FAM89A: variants seen among roughly 807,000 people sequenced by gnomAD.
The protein encoded by FAM89A is family with sequence similarity 89 member A.
Under a neutral mutation model 7.1 loss-of-function variants are expected in FAM89A, and 10 were observed. The observed-to-expected ratio is 1.40, with a 90% CI of 0.86 to 2.38. The LOEUF (loss-of-function observed/expected upper bound fraction) is 2.38. FAM89A is among the 30% of genes most tolerant of loss of function. FAM89A has a pLI of 0.00. For missense variants in FAM89A, 276 were observed against 262.8 expected (o/e 1.05, Z -0.35); for synonymous variants, 157 against 129.3 (o/e 1.21, Z -1.45).
rs1478226919 is a variant in FAM89A at position 231,019,162 on chromosome 1, C to T, written c.*701G>A. On this transcript the variant is annotated 3_prime_UTR_variant, in exon 2 of 2. Coordinates refer to ENST00000366654, the MANE Select transcript of FAM89A (RefSeq NM_198552.3). ...AGTGATACATCACATTGGCTTGCCC[C>T]AGTTTTTGTGTTCTTTTTTTTTTTT... 1 of 124,110 alleles carries T rather than the reference C, an allele frequency of 8.1e-6. No homozygotes were observed. Among genetic ancestry groups the T allele is most frequent in the Non-Finnish European group, 1.6e-5 (1 of 61,826 alleles). The allele number at this position is 124,110 out of a possible 1,614,324, so 7.7% of individuals were successfully genotyped here. A position where few individuals can be genotyped will look rare whatever the true frequency, so the allele number is the denominator to read the frequency against.
At chr1:231,025,294 G>T (rs1018440959) in intron 1 of FAM89A, among the ~76,000 whole-genome samples, 1 of 152,106 alleles carries the variant, frequency 6.6e-6, no homozygotes, top group Non-Finnish European at 1.5e-5. Context: ...TCGGGAGCGT[G>T]GTCTCCAGGC....
chr1:231,022,944 G>A (rs940583072), intron 1 of FAM89A, among the ~76,000 whole-genome samples: 4 of 151,756 alleles, frequency 2.6e-5, no homozygotes, highest in African/African-American at 7.3e-5. Flanking sequence ...ATGCTCCAGC[G>A]TCCTTCACCT....
At chr1:231,026,838 T>C (rs774306688) in intron 1 of FAM89A, 1 of 151,956 alleles carries the variant, frequency 6.6e-6, no homozygotes, top group African/African-American at 2.4e-5. Flanking sequence ...ATAAAAGAAA[T>C]AATAACTTTA....
chr1:231,024,808 T>G (rs898705329), intron 1 of FAM89A, among the ~76,000 whole-genome samples: 12 of 151,466 alleles, frequency 7.9e-5, no homozygotes, highest in African/African-American at 2.7e-4. Context: ...AAAGTGCTGG[T>G]ATTACAGGTG....
chr1:231,025,010 C>A (rs976863995), intron 1 of FAM89A, among the ~76,000 whole-genome samples: 1 of 145,884 alleles, frequency 6.9e-6, no homozygotes, highest in Admixed American at 7.1e-5. Context: ...GCAAGCTCTG[C>A]CTCCTGGGTT....
At position 231,023,027 on chromosome 1, in the gene FAM89A, G is replaced by A. The variant is rs138483280; in HGVS notation, c.292-2901C>T. 8.1e-4 allele frequency among the ~76,000 whole-genome samples: 123 copies of A among 152,240 alleles called. 2 individuals carry two copies. The highest frequency in any genetic ancestry group is 2.8e-3 in the African/African-American group (115 of 41,536). On this transcript the variant is annotated intron_variant, in intron 1 of 1. Coordinates refer to ENST00000366654, the MANE Select transcript of FAM89A (RefSeq NM_198552.3). ...CTCTCTTTTCTGATAAAATCCATCC[G>A]GTGTTTGCCACACGCCCTCCAGTCC...
chr1:231,039,078 C>A (rs781393716), intron 1 of FAM89A, among the ~76,000 whole-genome samples: 5 of 152,212 alleles, frequency 3.3e-5, no homozygotes, highest in African/African-American at 4.8e-5. Flanking sequence ...TACGCCTGGC[C>A]GAGAAAGCTG....
intron 1 of FAM89A, among the ~76,000 whole-genome samples, chr1:231,038,959 G>T (rs377038039): frequency 6.6e-6 from 1 of 152,214 alleles, no homozygotes; most frequent in Non-Finnish European, 1.5e-5. Context: ...CAACCTGGAC[G>T]AGGTGAATGG....
chr1:231,029,602 C>T (rs1680036367), intron 1 of FAM89A, among the ~76,000 whole-genome samples: 1 of 152,134 alleles, frequency 6.6e-6, no homozygotes, highest in South Asian at 2.1e-4. Context: ...GGTGCTTTGA[C>T]AATCACCCTG....
At chr1:231,022,826 A>G (rs927151951) in intron 1 of FAM89A, among the ~76,000 whole-genome samples, 6 of 152,304 alleles carry the variant, frequency 3.9e-5, no homozygotes, top group African/African-American at 1.4e-4. Context: ...TCAGCAGCCC[A>G]CCAGATGTAG....
chr1:231,030,372 G>A lies in FAM89A; in HGVS notation c.291+9549C>T, dbSNP rs1214713906. ...GGAAACTCCTCTACCAGGTAAAGCT[G>A]TTTGAATTGGATTTTCTGCTAACTT... On this transcript the variant is annotated intron_variant, in intron 1 of 1. Transcript: ENST00000366654. Among the ~76,000 whole-genome samples, 41 of 152,202 alleles carry A rather than the reference G, an allele frequency of 2.7e-4. 1 individual carries two copies. Among genetic ancestry groups the A allele is most frequent in the Admixed American group, 2.7e-3 (41 of 15,274 alleles).
In FAM89A at chr1:231,040,125, C is replaced by T. The variant is rs756806421; in HGVS notation, c.87G>A (p.Lys29=). 2 of 1,381,626 alleles carry T rather than the reference C, an allele frequency of 1.4e-6. No individual in the cohort carries two copies. Among genetic ancestry groups the T allele is most frequent in the Admixed American group, 2.5e-5 (1 of 40,298 alleles). 85.6% of individuals were successfully genotyped at this position (1,381,626 alleles called of 1,614,324 possible). A position where few individuals can be genotyped will look rare whatever the true frequency, so the allele number is the denominator to read the frequency against. ...CCGAGTGCAGCAGCCCGCTCAAGCT[C>T]TTTGGCAGCGGGGGCAGCCCGTCCA... is the stretch of plus-strand genomic sequence containing the variant. ...LRVDGLPPLP[K]SLSGLLHSAS... Residue 29 remains lysine (K), a synonymous_variant, in exon 1 of 2, where the codon AAG becomes AAA. Coordinates refer to ENST00000366654, the MANE Select transcript of FAM89A (RefSeq NM_198552.3).
At position 231,040,082 on chromosome 1, in the gene FAM89A, A is replaced by C. The variant is rs1361957773; in HGVS notation, c.130T>G (p.Ser44Ala). ...LLHSASGGGA[S>A]GGWRHLERLY... ...CGCTCCAGGTGCCGCCAGCCCCCAG[A>C]CGCGCCGCCGCCCGACGCCGAGTGC... The change falls in exon 1 of 2, where the codon TCT becomes GCT. Residue 44 changes from serine to alanine, a missense_variant. Coordinates refer to ENST00000366654, the MANE Select transcript of FAM89A (RefSeq NM_198552.3). 1 of 1,440,812 alleles carries C rather than the reference A, an allele frequency of 6.9e-7. No homozygotes were observed. Among genetic ancestry groups the C allele is most frequent in the African/African-American group, 1.5e-5 (1 of 67,440 alleles). 89.3% of individuals were successfully genotyped at this position (1,440,812 alleles called of 1,614,324 possible).
At position 231,023,163 on chromosome 1, in the gene FAM89A, C is replaced by A. The variant is rs1420418290; in HGVS notation, c.292-3037G>T. On this transcript the variant is annotated intron_variant, in intron 1 of 1. Transcript: ENST00000366654. ...CAGCCTTTTGCCCAGGTCACTGTTG[C>A]CCCATGTTCGGAGAACCTGGCCCAC... Among the ~76,000 whole-genome samples the A allele has an allele frequency of 3.3e-5, 5 of 152,316 alleles. No homozygotes were observed. In the South Asian group the frequency reaches 6.2e-4, roughly 19 times the overall value.
chr1:231,020,758 T>G (rs1196462690), intron 1 of FAM89A, among the ~76,000 whole-genome samples: 1 of 152,124 alleles, frequency 6.6e-6, no homozygotes, highest in African/African-American at 2.4e-5. Context: ...GAGGAAGCCC[T>G]GGAAGATGAA....
chr1:231,039,900 A>T, intron 1 of FAM89A, 21 bp downstream of exon 1: 1 of 1,290,074 alleles, frequency 7.8e-7, no homozygotes, highest in Non-Finnish European at 9.8e-7. Flanking sequence ...GAAGAGCCCC[A>T]GCTCGCGGAG....
chr1:231,019,691 C>A lies in FAM89A; in HGVS notation c.*172G>T, dbSNP rs1572352143. 8.6e-6 allele frequency: 6 copies of A among 695,772 alleles called. No homozygotes were observed. The East Asian group carries it at 1.4e-4, about 16-fold the overall frequency. The allele number at this position is 695,772 out of a possible 1,614,324, so 43.1% of individuals were successfully genotyped here. ...AAACTGCTGCCATCAAAGCAGACTG[C>A]CACCATGCATCCGCGGAGAACTCCC... On this transcript the variant is annotated 3_prime_UTR_variant, in exon 2 of 2. Coordinates refer to ENST00000366654, the MANE Select transcript of FAM89A (RefSeq NM_198552.3).
At chr1:231,039,158 T>C (rs1194520112) in intron 1 of FAM89A, among the ~76,000 whole-genome samples, 1 of 152,254 alleles carries the variant, frequency 6.6e-6, no homozygotes, top group East Asian at 1.9e-4. Flanking sequence ...ATCATGTGTG[T>C]TCTGGTCCAC....
At chr1:231,039,802 G>T in intron 1 of FAM89A, 119 bp downstream of exon 1, 2 of 1,032,148 alleles carry the variant, frequency 1.9e-6, no homozygotes, top group Non-Finnish European at 1.2e-6. Context: ...CGCCTGGGGC[G>T]GAGGAGCCCG....
Sources: allele counts gnomAD v4.1 joint callset (sites outside exome capture counted in the v4.1 genomes callset), GRCh38; gene constraint gnomAD v4.1.1; transcripts MANE v1.5; gene names NCBI Gene and HGNC (gene_info 2026-07-23, HGNC 2026-07-21).